Variants in FAM83B observed in about 807,000 individuals in gnomAD.
The protein encoded by FAM83B is scaffolding CK1 anchoring protein B.
FAM83B carries 26 observed loss-of-function variants against 38.8 expected under a neutral mutation model. The ratio of observed to expected loss-of-function variants is 0.67; its 90% CI spans 0.49 to 0.93. The LOEUF (loss-of-function observed/expected upper bound fraction) is 0.93, where lower values mean the gene tolerates loss of function less well. Ranked by LOEUF, FAM83B falls within the 40% of genes least tolerant of loss-of-function variation. The probability of loss-of-function intolerance (pLI) is 0.00; values close to 1 mark genes in which losing one functional copy is unlikely to be tolerated. For missense variants in FAM83B, 1,237 were observed against 1,197.3 expected, an observed-to-expected ratio of 1.03 and a Z score of -0.49; for synonymous variants, 419 against 423.1, an observed-to-expected ratio of 0.99 and a Z score of 0.12.
chr6:54,899,786 A>G (rs1772618610), intron 2 of FAM83B, among the ~76,000 whole-genome samples: 1 of 152,168 alleles, frequency 6.6e-6, no homozygotes, highest in South Asian at 2.1e-4. Flanking sequence ...TCGGGGAAAC[A>G]CAAACATGAA....
chr6:54,905,834 C>T (rs1159279045), intron 2 of FAM83B, among the ~76,000 whole-genome samples: 3 of 151,804 alleles, frequency 2.0e-5, no homozygotes, highest in Admixed American at 6.6e-5. Flanking sequence ...GAAATTGCTT[C>T]CTTTATATTA....
At chr6:54,854,311 G>C (rs1771388238) in intron 1 of FAM83B, among the ~76,000 whole-genome samples, 1 of 152,180 alleles carries the variant, frequency 6.6e-6, no homozygotes, top group African/African-American at 2.4e-5. Context: ...AATTTTGAAA[G>C]AAGTTTTACC....
At chr6:54,898,801 G>T (rs1407565666) in intron 2 of FAM83B, among the ~76,000 whole-genome samples, 1 of 152,092 alleles carries the variant, frequency 6.6e-6, no homozygotes, top group Middle Eastern at 3.4e-3. Flanking sequence ...TATTCGCAGT[G>T]CCACATGCTC....
At chr6:54,928,726 T>C (rs1159638263) in intron 4 of FAM83B, among the ~76,000 whole-genome samples, 2 of 152,190 alleles carry the variant, frequency 1.3e-5, no homozygotes, top group African/African-American at 4.8e-5. Context: ...GAACTTTTAA[T>C]TAAAATTGAG....
chr6:54,894,323 T>C (rs1432168317), intron 2 of FAM83B, among the ~76,000 whole-genome samples: 8 of 152,162 alleles, frequency 5.3e-5, no homozygotes, highest in South Asian at 4.1e-4. Flanking sequence ...TTTTTTTTTT[T>C]CCCTGACAGA....
Position 54,942,267 on chromosome 6 carries a change from A to C in FAM83B, c.*260A>C, listed in dbSNP as rs1195145111. Among the ~76,000 whole-genome samples the C allele has an allele frequency of 1.3e-5, 2 of 152,216 alleles. No homozygotes were observed. Among genetic ancestry groups the C allele is most frequent in the African/African-American group, 2.4e-5 (1 of 41,466 alleles). ...TATTTAAATCATTTTCTTTAGACTG[A>C]AGATTTTAAGTCTCACTTAGAAATT... On this transcript the variant is annotated 3_prime_UTR_variant, in exon 5 of 5. Coordinates refer to ENST00000306858, the MANE Select transcript of FAM83B (RefSeq NM_001010872.3).
chr6:54,923,535 T>C (rs577997203), intron 2 of FAM83B, among the ~76,000 whole-genome samples: 1 of 152,276 alleles, frequency 6.6e-6, no homozygotes, highest in East Asian at 1.9e-4. Flanking sequence ...TGGTCCCATA[T>C]TAAATTTATG....
At position 54,857,838 on chromosome 6, in the gene FAM83B, T is replaced by C. The variant is rs147868570; in HGVS notation, c.-61+11012T>C. ...CAGAGAGAGTGGGCACTCTCTACAA[T>C]GGGTAGTCGGGAAGACCTCTCAGAG... On this transcript the variant is annotated intron_variant, in intron 1 of 4. Transcript: ENST00000306858. Among the ~76,000 whole-genome samples, 301 of 152,040 alleles carry C rather than the reference T, an allele frequency of 2.0e-3. 1 individual carries two copies. Among genetic ancestry groups the C allele is most frequent in the African/African-American group, 6.6e-3 (275 of 41,452 alleles).
In FAM83B at chr6:54,870,489, T is replaced by C. The variant is rs1165805893; in HGVS notation, c.243T>C (p.Asp81=). 1 of 1,613,998 alleles carries C rather than the reference T, an allele frequency of 6.2e-7. No homozygotes were observed. Among genetic ancestry groups the C allele is most frequent in the Non-Finnish European group, 8.5e-7 (1 of 1,179,958 alleles). ...VAQSTAHGTD[D]SCDDTLSSGT... Reference sequence around the variant, plus strand: ...AAAGCACAGCACATGGTACTGATGATTCCTGTGATGATACCTTATCTTCAG... The same window carrying C: ...AAAGCACAGCACATGGTACTGATGACTCCTGTGATGATACCTTATCTTCAG... The change falls in exon 2 of 5, where the codon GAT becomes GAC. Residue 81 remains aspartate, a synonymous_variant. Coordinates refer to ENST00000306858, the MANE Select transcript of FAM83B (RefSeq NM_001010872.3).
At chr6:54,918,752 C>T (rs538085414) in intron 2 of FAM83B, among the ~76,000 whole-genome samples, 102 of 152,242 alleles carry the variant, frequency 6.7e-4, no homozygotes, top group African/African-American at 2.4e-3. Context: ...CAACATCCTT[C>T]TGACATACTG....
In FAM83B at chr6:54,944,166, G is replaced by A. The variant is rs73742869; in HGVS notation, c.*2159G>A. The A allele has an allele frequency of 9.9e-5, 15 of 152,050 alleles. No homozygotes were observed. Among genetic ancestry groups the A allele is most frequent in the African/African-American group, 3.4e-4 (14 of 41,366 alleles). The allele number at this position is 152,050 out of a possible 1,614,324, so 9.4% of individuals were successfully genotyped here. On this transcript the variant is annotated 3_prime_UTR_variant, in exon 5 of 5. Coordinates refer to ENST00000306858, the MANE Select transcript of FAM83B (RefSeq NM_001010872.3). ...GTGGCCAAAACCTCTCCAGGGATAA[G>A]ACTGAGCAAGAATATAATACTTCAA... is the stretch of plus-strand genomic sequence containing the variant.
chr6:54,921,606 T>A (rs1224890276), intron 2 of FAM83B, among the ~76,000 whole-genome samples: 3 of 152,006 alleles, frequency 2.0e-5, no homozygotes, highest in African/African-American at 7.2e-5. Context: ...CAAGAATTAA[T>A]GAAGAAGCAA....
At chr6:54,887,552 T>G (rs1772307834) in intron 2 of FAM83B, among the ~76,000 whole-genome samples, 1 of 152,122 alleles carries the variant, frequency 6.6e-6, no homozygotes. Flanking sequence ...TATTGCTTGT[T>G]TTATCAATGG....
chr6:54,854,027 A>T (rs114232755), intron 1 of FAM83B, among the ~76,000 whole-genome samples: 3,400 of 152,292 alleles, frequency 0.022, 130 homozygotes, highest in African/African-American at 0.078. Context: ...TTTGTGGAGG[A>T]TGTAATTGCA....
At chr6:54,917,400 G>C (rs1052242905) in intron 2 of FAM83B, among the ~76,000 whole-genome samples, 1 of 152,042 alleles carries the variant, frequency 6.6e-6, no homozygotes, top group Admixed American at 6.6e-5. Context: ...TTTCACTTAA[G>C]TGATTTTTTA....
At chr6:54,933,715 G>A (rs1413565007) in intron 4 of FAM83B, among the ~76,000 whole-genome samples, 5 of 151,976 alleles carry the variant, frequency 3.3e-5, no homozygotes, top group Non-Finnish European at 7.4e-5. Context: ...CGTTCCTTTG[G>A]TGTCTGCCCA....
chr6:54,850,099 C>T (rs2127570634), intron 1 of FAM83B, among the ~76,000 whole-genome samples: 1 of 152,246 alleles, frequency 6.6e-6, no homozygotes, highest in Admixed American at 6.5e-5. Flanking sequence ...AGTTTAGGAA[C>T]CTAATGATAA....
intron 1 of FAM83B, among the ~76,000 whole-genome samples, chr6:54,852,360 T>A (rs566826680): frequency 6.6e-6 from 1 of 152,226 alleles, no homozygotes; most frequent in Non-Finnish European, 1.5e-5. Context: ...ATTATTATAA[T>A]ATCTTTTTTT....
In FAM83B at chr6:54,939,883, C is replaced by A; in HGVS notation, c.912C>A (p.Gly304=). 6.2e-7 allele frequency: 1 copy of A among 1,613,998 alleles called. No homozygotes were observed. Among genetic ancestry groups the A allele is most frequent in the South Asian group, 1.1e-5 (1 of 91,082 alleles). The change falls in exon 5 of 5, where the codon GGC becomes GGA. Residue 304 remains glycine, a synonymous_variant. Transcript: ENST00000306858. The stretch of plus-strand genomic sequence containing the variant: ...ATGGAAAAGCCCTCTGGGAAAATGG[C>A]ACTTACCAGCATTCGGTGTCTTCAT... ...VKHGKALWEN[G]TYQHSVSSLA...
Sources: allele counts gnomAD v4.1 joint callset (sites outside exome capture counted in the v4.1 genomes callset), GRCh38; gene constraint gnomAD v4.1.1; transcripts MANE v1.5; gene names NCBI Gene and HGNC (gene_info 2026-07-23, HGNC 2026-07-21).